The following FRMD5 variants were observed in gnomAD, a reference collection of about 807,000 sequenced individuals.
FRMD5 encodes FERM domain containing 5.
In FRMD5, 20 loss-of-function variants were observed where a neutral mutation model predicts 69.0. That is an observed-to-expected ratio of 0.29 (90% CI 0.20 to 0.42). The LOEUF is 0.42. FRMD5 is among the 10% of genes least tolerant of loss of function. The probability of loss-of-function intolerance (pLI) is 1.00; values close to 1 mark genes in which losing one functional copy is unlikely to be tolerated. For synonymous variants in FRMD5, 271 were observed against 260.1 expected (o/e 1.04, Z -0.40); for missense variants, 595 against 708.6 (o/e 0.84, Z 1.82).
At chr15:43,888,682 CTGACCTT>C in intron 9 of FRMD5, 120 bp downstream of exon 9, 1 of 755,806 alleles carries the variant, frequency 1.3e-6, no homozygotes, top group Non-Finnish European at 2.3e-6. Flanking sequence ...CCTCCAGGTC[CTGACCTT>C]GGTCTTGGCT....
rs544368470 is a variant in FRMD5, at chr15:43,948,591, A to T, written c.103-24282T>A. Among the ~76,000 whole-genome samples, 4 of 152,332 alleles carry T rather than the reference A, an allele frequency of 2.6e-5. No individual in the cohort carries two copies. The East Asian group carries it at 7.7e-4, about 29-fold the overall frequency. On this transcript the variant is annotated intron_variant, in intron 1 of 13. Transcript: ENST00000417257. The stretch of plus-strand genomic sequence containing the variant: ...GTAGCAATTACAAGCCTAACTTATA[A>T]AACAGTTTCCATAAGGAGGGCATAT...
At chr15:44,004,410 A>AG (rs1331415730) in intron 1 of FRMD5, among the ~76,000 whole-genome samples, 1 of 152,192 alleles carries the variant, frequency 6.6e-6, no homozygotes, top group Non-Finnish European at 1.5e-5. Context: ...CCTGGCATCC[A>AG]GCAAGTCTAC....
intron 1 of FRMD5, among the ~76,000 whole-genome samples, chr15:43,932,135 C>T (rs960510461): frequency 2.0e-5 from 3 of 152,328 alleles, no homozygotes; most frequent in Non-Finnish European, 2.9e-5. Flanking sequence ...TGTGAGTTTT[C>T]GTGCCAACTT....
At chr15:43,939,414 C>T (rs376983379) in intron 1 of FRMD5, among the ~76,000 whole-genome samples, 12 of 152,118 alleles carry the variant, frequency 7.9e-5, no homozygotes, top group African/African-American at 2.7e-4. Context: ...CAAAAGAAGT[C>T]ATCAGTTCAA....
intron 1 of FRMD5, among the ~76,000 whole-genome samples, chr15:44,135,878 A>G (rs1244861041): frequency 6.6e-5 from 10 of 151,764 alleles, no homozygotes; most frequent in Non-Finnish European, 1.5e-5. Flanking sequence ...ACAAGTTAGT[A>G]GACGCATAAA....
intron 1 of FRMD5, among the ~76,000 whole-genome samples, chr15:44,174,394 C>A (rs1281797172): frequency 1.3e-5 from 2 of 152,104 alleles, no homozygotes; most frequent in African/African-American, 4.8e-5. Flanking sequence ...AATACAATGT[C>A]TGTTTCCCAA....
At chr15:44,037,725 C>T (rs532629801) in intron 1 of FRMD5, among the ~76,000 whole-genome samples, 5 of 151,986 alleles carry the variant, frequency 3.3e-5, no homozygotes, top group East Asian at 1.9e-4. Context: ...CCACCTGCCT[C>T]GGCCTCCTAA....
rs377622445 is a variant in FRMD5, at chr15:44,193,030, TA to T, written c.102+1922del. On this transcript the variant is annotated intron_variant, in intron 1 of 13. Transcript: ENST00000417257. ...CAATAAGTCCTATTTAACTCAAAAA[TA>T]TTTTTTTTCTAAATGGTAATAAAAA... Among the ~76,000 whole-genome samples the T allele has an allele frequency of 6.6e-5, 10 of 152,322 alleles. No individual in the cohort carries two copies. In the East Asian group the frequency reaches 1.5e-3, roughly 23 times the overall value.
In FRMD5 at chr15:43,873,760, A is replaced by T; in HGVS notation, c.*125T>A. 6.5e-7 allele frequency: 1 copy of T among 1,531,164 alleles called. No homozygotes were observed. The highest frequency in any genetic ancestry group is 1.2e-5 in the South Asian group (1 of 82,088). 94.8% of individuals were successfully genotyped at this position (1,531,164 alleles called of 1,614,324 possible). A position where few individuals can be genotyped will look rare whatever the true frequency, so the allele number is the denominator to read the frequency against. On this transcript the variant is annotated 3_prime_UTR_variant, in exon 14 of 14. Coordinates refer to ENST00000417257, the MANE Select transcript of FRMD5 (RefSeq NM_032892.5). Reference sequence around the variant, plus strand: ...GAAACACCCTCCTAGGCTGCAGTGGACTTTGAGTCATGAGAGGAGGACTTG... The same window carrying T: ...GAAACACCCTCCTAGGCTGCAGTGGTCTTTGAGTCATGAGAGGAGGACTTG...
chr15:43,874,365 A>G lies in FRMD5; in HGVS notation c.1233T>C (p.Asp411=), dbSNP rs762294423. 1.2e-5 allele frequency: 20 copies of G among 1,614,098 alleles called. No homozygotes were observed. The highest frequency in any genetic ancestry group is 8.0e-5 in the African/African-American group (6 of 74,944). ...CAATCACAGCTACTCGCTCATTGCT[A>G]TCTGTCCGGCTGCTTCTCACGTGAG... ...FLPHVRSSRT[D]SNERVAVIAD... Residue 411 remains aspartate (D), a synonymous_variant, in exon 14 of 14, where the codon GAT becomes GAC. Transcript: ENST00000417257.
chr15:43,951,390 C>T (rs1242392275), intron 1 of FRMD5, among the ~76,000 whole-genome samples: 1 of 150,380 alleles, frequency 6.6e-6, no homozygotes, highest in African/African-American at 2.5e-5. Context: ...CCACTGCACT[C>T]CAGCCTGGGC....
At chr15:43,932,245 C>T (rs1043468671) in intron 1 of FRMD5, among the ~76,000 whole-genome samples, 1 of 152,186 alleles carries the variant, frequency 6.6e-6, no homozygotes, top group African/African-American at 2.4e-5. Flanking sequence ...GAAGCCTGTC[C>T]TCCCTGGACA....
At chr15:44,122,132 G>A (rs1172440313) in intron 1 of FRMD5, among the ~76,000 whole-genome samples, 3 of 151,668 alleles carry the variant, frequency 2.0e-5, no homozygotes, top group African/African-American at 2.4e-5. Flanking sequence ...TTAAAAAAAC[G>A]TAACAAACCT....
At chr15:44,119,031 C>G (rs2076909687) in intron 1 of FRMD5, among the ~76,000 whole-genome samples, 1 of 152,212 alleles carries the variant, frequency 6.6e-6, no homozygotes, top group African/African-American at 2.4e-5. Context: ...GGCGTGATCA[C>G]AGCTCACTGC....
intron 1 of FRMD5, among the ~76,000 whole-genome samples, chr15:43,999,711 T>A (rs1890092967): frequency 6.6e-6 from 1 of 152,010 alleles, no homozygotes; most frequent in South Asian, 2.1e-4. Flanking sequence ...TCACTCAGAA[T>A]AATGCCCTCC....
chr15:44,196,613 A>G (rs1468222387), upstream of FRMD5, among the ~76,000 whole-genome samples: 1 of 151,836 alleles, frequency 6.6e-6, no homozygotes, highest in Non-Finnish European at 1.5e-5. Context: ...ATGAAACTCT[A>G]CATTAGCCTA....
At chr15:44,087,510 G>C (rs76487376) in intron 1 of FRMD5, among the ~76,000 whole-genome samples, 1,809 of 152,130 alleles carry the variant, frequency 0.012, 45 homozygotes, top group African/African-American at 0.042. Context: ...TTAAAGTATA[G>C]GTTTTCCTGC....
intron 1 of FRMD5, among the ~76,000 whole-genome samples, chr15:44,013,067 A>T (rs539304833): frequency 6.6e-6 from 1 of 152,074 alleles, no homozygotes; most frequent in Non-Finnish European, 1.5e-5. Flanking sequence ...CGCCCCGCCT[A>T]TTGTATCTTA....
At chr15:44,187,743 A>T (rs1415810629) in intron 1 of FRMD5, among the ~76,000 whole-genome samples, 2 of 151,970 alleles carry the variant, frequency 1.3e-5, no homozygotes, top group African/African-American at 4.8e-5. Flanking sequence ...TAAATTTTAA[A>T]TTTTTTGTAG....
Sources: gnomAD v4.1 joint callset for allele counts (sites outside exome capture counted in the v4.1 genomes callset) on GRCh38, gnomAD v4.1.1 for gene constraint, MANE v1.5 for transcripts, NCBI Gene and HGNC (gene_info 2026-07-23, HGNC 2026-07-21) for gene names.